LDLRAD3: variants seen among roughly 807,000 people sequenced by gnomAD.
LDLRAD3 encodes low density lipoprotein receptor class A domain containing 3.
Under a neutral mutation model 29.4 loss-of-function variants are expected in LDLRAD3, and 20 were observed. The observed-to-expected ratio is 0.68, with a 90% CI of 0.48 to 0.99. The LOEUF (loss-of-function observed/expected upper bound fraction) is 0.99. LDLRAD3 is among the 50% of genes least tolerant of loss of function. LDLRAD3 has a pLI of 0.00. For missense variants in LDLRAD3, 420 were observed against 454.3 expected (o/e 0.92, Z 0.69); for synonymous variants, 157 against 192.7 (o/e 0.81, Z 1.53).
intron 4 of LDLRAD3, among the ~76,000 whole-genome samples, chr11:36,136,959 G>A (rs909851557): frequency 3.3e-5 from 5 of 152,102 alleles, no homozygotes; most frequent in Non-Finnish European, 5.9e-5. Context: ...CCAAAGTGCT[G>A]GGATTACAGG....
chr11:36,013,517 C>T (rs906152476), intron 1 of LDLRAD3, among the ~76,000 whole-genome samples: 4 of 121,798 alleles, frequency 3.3e-5, no homozygotes, highest in African/African-American at 1.3e-4. Context: ...TCCATGTGTT[C>T]TCATTGTTCA....
At chr11:36,112,542 C>T (rs1369854499) in intron 4 of LDLRAD3, among the ~76,000 whole-genome samples, 1 of 152,224 alleles carries the variant, frequency 6.6e-6, no homozygotes, top group East Asian at 1.9e-4. Context: ...TCCAAGACAC[C>T]TCCCTGCCAT....
chr11:36,080,678 T>C (rs915348361), intron 2 of LDLRAD3, among the ~76,000 whole-genome samples: 7 of 152,152 alleles, frequency 4.6e-5, no homozygotes, highest in African/African-American at 1.7e-4. Context: ...CAGGACTCAG[T>C]ATATGATCAT....
chr11:35,948,835 A>G lies in LDLRAD3; in HGVS notation c.46+4691A>G, dbSNP rs144764573. Among the ~76,000 whole-genome samples the G allele has an allele frequency of 4.3e-3, 648 of 152,086 alleles. 7 individuals are homozygous for G. The highest frequency in any genetic ancestry group is 0.014 in the African/African-American group (598 of 41,484). ...CTTTGTTGTGGGGGTTGTCCTGTGC[A>G]TTGCGGGATGGTCACAGCAGCATCA... On this transcript the variant is annotated intron_variant, in intron 1 of 5. Transcript: ENST00000315571.
At chr11:36,107,302 G>A (rs373924613) in intron 4 of LDLRAD3, among the ~76,000 whole-genome samples, 1 of 151,772 alleles carries the variant, frequency 6.6e-6, no homozygotes, top group Non-Finnish European at 1.5e-5. Flanking sequence ...CCAGGTTCAA[G>A]CAGTTCTCCT....
intron 1 of LDLRAD3, among the ~76,000 whole-genome samples, chr11:36,006,095 C>T (rs187349674): frequency 1.3e-3 from 196 of 152,256 alleles, no homozygotes; most frequent in African/African-American, 4.5e-3. Flanking sequence ...GATGCCCAGT[C>T]GTTCCTCATC....
intron 1 of LDLRAD3, among the ~76,000 whole-genome samples, chr11:35,990,211 A>G (rs1189610649): frequency 6.6e-6 from 1 of 152,182 alleles, no homozygotes. Flanking sequence ...TGTTGTAACA[A>G]ATTCTTACCA....
At chr11:36,171,574 G>A (rs534948083) in intron 4 of LDLRAD3, among the ~76,000 whole-genome samples, 34 of 151,828 alleles carry the variant, frequency 2.2e-4, no homozygotes, top group Middle Eastern at 6.8e-3. Context: ...ACTTTATGTT[G>A]TTGTTTGCTT....
intron 4 of LDLRAD3, among the ~76,000 whole-genome samples, chr11:36,152,893 G>C (rs899499571): frequency 6.6e-6 from 1 of 152,054 alleles, no homozygotes; most frequent in African/African-American, 2.4e-5. Flanking sequence ...CTTCACAATT[G>C]GGGTGCTCTT....
intron 1 of LDLRAD3, among the ~76,000 whole-genome samples, chr11:36,023,284 C>T (rs1383810568): frequency 1.3e-5 from 2 of 152,172 alleles, no homozygotes; most frequent in Non-Finnish European, 2.9e-5. Flanking sequence ...CAGAGAGACC[C>T]TTTAATCCAT....
At chr11:35,949,007 C>T (rs975155999) in intron 1 of LDLRAD3, among the ~76,000 whole-genome samples, 1 of 113,146 alleles carries the variant, frequency 8.8e-6, no homozygotes, top group Non-Finnish European at 1.6e-5. Context: ...AGCATCATTA[C>T]TGTGCATCAT....
chr11:36,163,381 G>A (rs527543783), intron 4 of LDLRAD3: 27 of 152,294 alleles, frequency 1.8e-4, no homozygotes, highest in African/African-American at 5.3e-4. Context: ...ACACAGCACC[G>A]AGGTGTGGCT....
chr11:36,210,527 G>A (rs774610237), intron 4 of LDLRAD3, among the ~76,000 whole-genome samples: 2 of 151,660 alleles, frequency 1.3e-5, no homozygotes, highest in Non-Finnish European at 2.9e-5. Context: ...CACAGCCCGA[G>A]ACCCTGTAGT....
At chr11:36,160,208 G>T (rs1259346513) in intron 4 of LDLRAD3, among the ~76,000 whole-genome samples, 1 of 152,010 alleles carries the variant, frequency 6.6e-6, no homozygotes, top group Non-Finnish European at 1.5e-5. Flanking sequence ...ATTCCAGCTT[G>T]CTGTTTTGTG....
At chr11:36,037,543 GACCTCATGATCCGCCC>G (rs1852320210) in intron 2 of LDLRAD3, among the ~76,000 whole-genome samples, 2 of 152,166 alleles carry the variant, frequency 1.3e-5, no homozygotes, top group Non-Finnish European at 2.9e-5. Context: ...TCAAACTACT[GACCTCATGATCCGCCC>G]ACCTCAGCCT....
At chr11:36,221,347 G>A (rs984434211) in intron 4 of LDLRAD3, among the ~76,000 whole-genome samples, 7 of 145,822 alleles carry the variant, frequency 4.8e-5, no homozygotes, top group African/African-American at 1.8e-4. Flanking sequence ...CAGCCTGGGA[G>A]ACAGAGTGAG....
At chr11:36,200,271 G>C (rs1247529747) in intron 4 of LDLRAD3, among the ~76,000 whole-genome samples, 3 of 152,196 alleles carry the variant, frequency 2.0e-5, no homozygotes, top group East Asian at 3.9e-4. Flanking sequence ...CGCCAATTCA[G>C]TTCCTAGTAA....
intron 1 of LDLRAD3, among the ~76,000 whole-genome samples, chr11:36,012,976 C>T (rs916098099): frequency 1.1e-4 from 16 of 152,188 alleles, no homozygotes; most frequent in Admixed American, 2.0e-4. Context: ...CTAAAGTTAC[C>T]GTTAATTTTG....
rs1421236778 is a variant in LDLRAD3 at position 36,106,411 on chromosome 11, T to C, written c.454+7950T>C. The stretch of plus-strand genomic sequence containing the variant: ...GAGTTCTAATGCCTAAGTTAGCTGG[T>C]GACTGACCTTGATTTATTGCTGGAT... On this transcript the variant is annotated intron_variant, in intron 4 of 5. Transcript: ENST00000315571. Among the ~76,000 whole-genome samples, 7 of 152,218 alleles carry C rather than the reference T, an allele frequency of 4.6e-5. No individual in the cohort carries two copies. The East Asian group carries it at 1.3e-3, about 29-fold the overall frequency.
Sources: gnomAD v4.1 joint callset for allele counts (sites outside exome capture counted in the v4.1 genomes callset) on GRCh38, gnomAD v4.1.1 for gene constraint, MANE v1.5 for transcripts, NCBI Gene and HGNC (gene_info 2026-07-23, HGNC 2026-07-21) for gene names.